Variants in GADD45A observed in about 807,000 individuals in gnomAD.
GADD45A encodes growth arrest and DNA damage inducible alpha, also known as growth arrest and DNA damage-inducible protein GADD45 alpha.
A neutral mutation model predicts 17.7 loss-of-function variants in GADD45A; 9 were observed. The observed-to-expected ratio is 0.51, with a 90% confidence interval of 0.31 to 0.89. The LOEUF is 0.89. Ranked by LOEUF, GADD45A falls within the 40% of genes least tolerant of loss-of-function variation. The pLI, the probability that GADD45A is intolerant of heterozygous loss-of-function variation, is 0.05. For synonymous variants in GADD45A, 95 were observed against 92.2 expected (o/e 1.03, Z -0.17); for missense variants, 149 against 220.6 (o/e 0.68, Z 2.06).
chr1:67,685,719 C>G (rs1486919192), intron 1 of GADD45A, 181 bp downstream of exon 1: 4 of 662,562 alleles, frequency 6.0e-6, no homozygotes, highest in Admixed American at 5.7e-5. Context: ...AGCGTGCCCC[C>G]CAACCCGAAC....
rs926992025 is a variant in GADD45A, at chr1:67,685,246, C to T, written c.-249C>T. 1.4e-5 allele frequency: 7 copies of T among 502,108 alleles called. No homozygotes were observed. The highest frequency in any genetic ancestry group is 4.1e-5 in the African/African-American group (2 of 48,478). The allele number at this position is 502,108 out of a possible 1,614,324, so 31.1% of individuals were successfully genotyped here. A position where few individuals can be genotyped will look rare whatever the true frequency, so the allele number is the denominator to read the frequency against. ...TGGGAGGCAGCGGCCCAATTAGTGT[C>T]GTGCGGCCCGTGGCGAGGCGAGGTC... On this transcript the variant is annotated 5_prime_UTR_variant, in exon 1 of 4. Transcript: ENST00000370986.
chr1:67,686,266 G>T (rs1646132842), intron 2 of GADD45A, 84 bp from the exon 3 acceptor site: 1 of 1,403,336 alleles, frequency 7.1e-7, no homozygotes, highest in Admixed American at 2.3e-5. Flanking sequence ...GGGCGAGCGG[G>T]CCGGGCGGCG....
At chr1:67,685,631 G>GAAGCTAAA (rs1348530194) in intron 1 of GADD45A, 93 bp downstream of exon 1, 2 of 1,348,386 alleles carry the variant, frequency 1.5e-6, no homozygotes, top group African/African-American at 2.9e-5. Context: ...TGCAGGGGAG[G>GAAGCTAAA]AAGCTAAAAA....
In GADD45A at chr1:67,685,266, GA is replaced by G; in HGVS notation, c.-228del. On this transcript the variant is annotated 5_prime_UTR_variant, in exon 1 of 4. Coordinates refer to ENST00000370986, the MANE Select transcript of GADD45A (RefSeq NM_001924.4). Reference sequence around the variant, plus strand: ...AGTGTCGTGCGGCCCGTGGCGAGGCGAGGTCCGGGGAGCGAGCGAGCAAGCA... The same window carrying G: ...AGTGTCGTGCGGCCCGTGGCGAGGCGGGTCCGGGGAGCGAGCGAGCAAGCA... 1 of 507,268 alleles carries G rather than the reference GA, an allele frequency of 2.0e-6. No homozygotes were observed. Among genetic ancestry groups the G allele is most frequent in the Non-Finnish European group, 3.4e-6 (1 of 290,082 alleles). 31.4% of individuals were successfully genotyped at this position (507,268 alleles called of 1,614,324 possible).
At chr1:67,685,891 C>T in intron 1 of GADD45A, 134 bp from the exon 2 acceptor site, 2 of 629,904 alleles carry the variant, frequency 3.2e-6, no homozygotes, top group Admixed American at 3.2e-5. Context: ...GCGGGAGCGC[C>T]GGGTTTTCGT....
Position 67,688,099 on chromosome 1 carries a change from T to C in GADD45A, c.*325T>C, listed in dbSNP as rs1482688512. ...TTAAAATAAACCAAATATGTTAAAG[T>C]TTAAGTGTGCAGCCATAGTTTGGGT... On this transcript the variant is annotated 3_prime_UTR_variant, in exon 4 of 4. Coordinates refer to ENST00000370986, the MANE Select transcript of GADD45A (RefSeq NM_001924.4). The C allele has an allele frequency of 4.7e-6, 1 of 212,190 alleles. No homozygotes were observed. The allele number at this position is 212,190 out of a possible 1,614,324, so 13.1% of individuals were successfully genotyped here.
chr1:67,686,318 C>T (rs764275987), intron 2 of GADD45A, 32 bp from the exon 3 acceptor site: 1 of 1,595,260 alleles, frequency 6.3e-7, no homozygotes, highest in Admixed American at 1.7e-5. Context: ...GCCCGCGCTT[C>T]TGCGCTCACT....
chr1:67,686,359 T>C lies in GADD45A; in HGVS notation c.156T>C (p.Asp52=), dbSNP rs1646133707. 9.9e-6 allele frequency: 16 copies of C among 1,612,102 alleles called. No homozygotes were observed. The highest frequency in any genetic ancestry group is 1.4e-5 in the Non-Finnish European group (16 of 1,178,994). ...CGCCCGCTGCCCCCAGCGACCCCGA[T>C]AACGTGGTGTTGTGCCTGCTGGCGG... The part of the protein sequence containing the change: ...EAAKLLNVDP[D]NVVLCLLAAD... Residue 52 remains aspartate, a synonymous_variant, in exon 3 of 4, where the codon GAT becomes GAC. Coordinates refer to ENST00000370986, the MANE Select transcript of GADD45A (RefSeq NM_001924.4).
intron 3 of GADD45A, 128 bp from the exon 4 acceptor site, chr1:67,687,533 G>A: frequency 1.6e-6 from 1 of 629,938 alleles, no homozygotes; most frequent in Non-Finnish European, 2.8e-6. Flanking sequence ...TAATTTTTTT[G>A]TGCTTCTAAT....
chr1:67,687,168 G>A (rs1486880655), intron 3 of GADD45A, among the ~76,000 whole-genome samples: 6 of 150,566 alleles, frequency 4.0e-5, no homozygotes, highest in African/African-American at 1.5e-4. Flanking sequence ...TCTAAATTTT[G>A]CTCTTTTTTG....
At chr1:67,685,900 G>C (rs1262309518) in intron 1 of GADD45A, 125 bp from the exon 2 acceptor site, 4 of 653,072 alleles carry the variant, frequency 6.1e-6, no homozygotes, top group Admixed American at 6.3e-5. Context: ...CCGGGTTTTC[G>C]TAGAGCCCAG....
Position 67,686,368 on chromosome 1 carries a change from G to T in GADD45A, c.165G>T (p.Val55=), listed in dbSNP as rs759954984. The change falls in exon 3 of 4, where the codon GTG becomes GTT. Residue 55 remains valine (V), a synonymous_variant. Coordinates refer to ENST00000370986, the MANE Select transcript of GADD45A (RefSeq NM_001924.4). ...KLLNVDPDNV[V]LCLLAADEDD... is the part of the protein sequence containing the mutation. ...CCCCCAGCGACCCCGATAACGTGGT[G>T]TTGTGCCTGCTGGCGGCGGACGAGG... 6.2e-7 allele frequency: 1 copy of T among 1,613,178 alleles called. No individual in the cohort carries two copies. The highest frequency in any genetic ancestry group is 1.3e-5 in the African/African-American group (1 of 74,930).
chr1:67,685,361 C>G lies in GADD45A; in HGVS notation c.-134C>G. 2.7e-6 allele frequency: 2 copies of G among 741,712 alleles called. No homozygotes were observed. Among genetic ancestry groups the G allele is most frequent in the Non-Finnish European group, 4.3e-6 (2 of 463,272 alleles). The allele number at this position is 741,712 out of a possible 1,614,324, so 45.9% of individuals were successfully genotyped here. A position where few individuals can be genotyped will look rare whatever the true frequency, so the allele number is the denominator to read the frequency against. On this transcript the variant is annotated 5_prime_UTR_variant, in exon 1 of 4. Coordinates refer to ENST00000370986, the MANE Select transcript of GADD45A (RefSeq NM_001924.4). ...AGGAGCCCGGGCGGGCGAGGGGCGG[C>G]CGGAGAGCGCCAGGGCCTGAGCTGC... is the stretch of plus-strand genomic sequence containing the variant.
At chr1:67,685,606 G>A (rs1174801217) in intron 1 of GADD45A, 68 bp downstream of exon 1, 2 of 1,510,474 alleles carry the variant, frequency 1.3e-6, no homozygotes, top group African/African-American at 2.8e-5. Context: ...CGGTGCAGCC[G>A]GGCTGTGGAA....
At position 67,685,997 on chromosome 1, in the gene GADD45A, G is replaced by A. The variant is rs183632974; in HGVS notation, c.45-28G>A. 6.1e-4 allele frequency: 921 copies of A among 1,522,284 alleles called. 10 individuals carry two copies. Among genetic ancestry groups the A allele is most frequent in the Non-Finnish European group, 1.5e-4 (165 of 1,110,796 alleles). The allele number at this position is 1,522,284 out of a possible 1,614,324, so 94.3% of individuals were successfully genotyped here. Reference sequence around the variant, plus strand: ...TGGCCCCGAGGGCACCGGGGCTGACGGGACCCCTCGCCCTTGCCCGCGTGT... The same window carrying A: ...TGGCCCCGAGGGCACCGGGGCTGACAGGACCCCTCGCCCTTGCCCGCGTGT... On this transcript the variant is annotated intron_variant, in intron 1 of 3. Transcript: ENST00000370986.
At chr1:67,685,852 G>A (rs1292030780) in intron 1 of GADD45A, 173 bp from the exon 2 acceptor site, 1 of 600,198 alleles carries the variant, frequency 1.7e-6, no homozygotes, top group African/African-American at 1.9e-5. Flanking sequence ...GTCCTTGGGC[G>A]TGCAGGGGTC....
Position 67,688,229 on chromosome 1 carries a change from TTTA to T in GADD45A, c.*460_*462del, listed in dbSNP as rs1446165284. ...TGATGAGATATTAAATTCTCAAAGT[TTTA>T]TTATAAATTCTACTAAGTTATTTTA... is the stretch of plus-strand genomic sequence containing the variant. On this transcript the variant is annotated 3_prime_UTR_variant, in exon 4 of 4. Coordinates refer to ENST00000370986, the MANE Select transcript of GADD45A (RefSeq NM_001924.4). The T allele has an allele frequency of 3.9e-5, 6 of 153,494 alleles. No individual in the cohort carries two copies. The highest frequency in any genetic ancestry group is 1.4e-4 in the African/African-American group (6 of 41,462). 9.5% of individuals were successfully genotyped at this position (153,494 alleles called of 1,614,324 possible).
intron 3 of GADD45A, 30 bp from the exon 4 acceptor site, chr1:67,687,631 A>G: frequency 7.5e-7 from 1 of 1,333,608 alleles, no homozygotes; most frequent in African/African-American, 1.4e-5. Context: ...GGTTTTTAAA[A>G]TAAGTTTATT....
At chr1:67,686,683 G>T in intron 3 of GADD45A, 96 bp downstream of exon 3, 1 of 1,034,756 alleles carries the variant, frequency 9.7e-7, no homozygotes, top group Non-Finnish European at 1.4e-6. Context: ...GTAGGTGGGG[G>T]TCAGGAGGGT....
Sources: allele counts gnomAD v4.1 joint callset (sites outside exome capture counted in the v4.1 genomes callset), GRCh38; gene constraint gnomAD v4.1.1; transcripts MANE v1.5; gene names NCBI Gene and HGNC (gene_info 2026-07-23, HGNC 2026-07-21).